Variants in ARMC6 observed in about 807,000 individuals in gnomAD.
The protein encoded by ARMC6 is armadillo repeat-containing protein 6.
Under a neutral mutation model 49.2 loss-of-function variants are expected in ARMC6, and 43 were observed. That is an observed-to-expected ratio of 0.87 (90% confidence interval 0.69 to 1.13). The LOEUF (loss-of-function observed/expected upper bound fraction) is 1.13, where lower values mean the gene tolerates loss of function less well. ARMC6 is among the 50% of genes most tolerant of loss of function. The pLI is 0.00. For synonymous variants in ARMC6, 262 were observed against 289.6 expected (o/e 0.90, Z 0.97); for missense variants, 627 against 682.0 (o/e 0.92, Z 0.90).
chr19:19,033,968 A>T (rs2059302879), intron 1 of ARMC6, 38 bp downstream of exon 1: 11 of 517,876 alleles, frequency 2.1e-5, no homozygotes, highest in Non-Finnish European at 3.5e-5. Flanking sequence ...TCCCGCGCGG[A>T]GTGGGGAGTG....
At position 19,034,129 on chromosome 19, in the gene ARMC6, A is replaced by G. The variant is rs560272635; in HGVS notation, c.-79-2A>G. 4 of 895,032 alleles carry G rather than the reference A, an allele frequency of 4.5e-6. No homozygotes were observed. In the South Asian group the frequency reaches 5.6e-5, roughly 13 times the overall value. 55.4% of individuals were successfully genotyped at this position (895,032 alleles called of 1,614,324 possible). A position where few individuals can be genotyped will look rare whatever the true frequency, so the allele number is the denominator to read the frequency against. On this transcript the variant is annotated splice_acceptor_variant, in intron 1 of 8. Coordinates refer to ENST00000535612, the MANE Select transcript of ARMC6 (RefSeq NM_001199196.2). LOFTEE classifies it low-confidence loss of function (5UTR_SPLICE). ...TTTCATTCATTTTATTTATTCATTC[A>G]GCACCTGTGCACTGAGTGCCTGCTG...
chr19:19,035,529 A>T (rs766935482), intron 2 of ARMC6, among the ~76,000 whole-genome samples: 11 of 151,968 alleles, frequency 7.2e-5, no homozygotes, highest in Admixed American at 1.3e-4. Flanking sequence ...TCCTCCTCCA[A>T]CTCAGCCCTG....
chr19:19,050,221 A>G (rs1286340978), intron 4 of ARMC6, among the ~76,000 whole-genome samples: 1 of 152,056 alleles, frequency 6.6e-6, no homozygotes, highest in Non-Finnish European at 1.5e-5. Context: ...CCCAGGCTGG[A>G]GTGCAATGGC....
In ARMC6 at chr19:19,051,936, G is replaced by T; in HGVS notation, c.594G>T (p.Gly198=). ...NADEADLTCS[G]IRCVRHACLK... is the part of the protein sequence containing the mutation. ...ATGAGGCTGACCTGACCTGCTCTGG[G>T]ATCCGCTGTGTGCGTCACGCTTGCC... The change falls in exon 5 of 9, where the codon GGG becomes GGT. Residue 198 remains glycine, a synonymous_variant. Transcript: ENST00000535612. 3.7e-6 allele frequency: 6 copies of T among 1,614,158 alleles called. No individual in the cohort carries two copies. The highest frequency in any genetic ancestry group is 5.1e-6 in the Non-Finnish European group (6 of 1,180,042).
At chr19:19,054,033 T>C (rs1268674100) in intron 5 of ARMC6, 119 bp from the exon 6 acceptor site, 1 of 1,033,328 alleles carries the variant, frequency 9.7e-7, no homozygotes, top group Non-Finnish European at 1.3e-6. Context: ...CTGGTGCCCG[T>C]GGCCACTCCA....
intron 2 of ARMC6, among the ~76,000 whole-genome samples, chr19:19,038,104 A>G (rs911659452): frequency 5.3e-5 from 8 of 152,116 alleles, no homozygotes; most frequent in South Asian, 2.1e-4. Flanking sequence ...TAGGTTGGGC[A>G]CTCCTTATGA....
chr19:19,044,815 G>A (rs1230364223), intron 4 of ARMC6, among the ~76,000 whole-genome samples: 2 of 152,212 alleles, frequency 1.3e-5, no homozygotes, highest in Non-Finnish European at 2.9e-5. Flanking sequence ...AGCAGGAGGT[G>A]CAGTGATAGG....
At chr19:19,048,777 G>A (rs2059472333) in intron 4 of ARMC6, among the ~76,000 whole-genome samples, 1 of 152,192 alleles carries the variant, frequency 6.6e-6, no homozygotes, top group South Asian at 2.1e-4. Flanking sequence ...TTCCCCACAA[G>A]AGATAGCTTT....
At chr19:19,043,738 G>A (rs1258167062) in intron 3 of ARMC6, among the ~76,000 whole-genome samples, 2 of 152,144 alleles carry the variant, frequency 1.3e-5, no homozygotes, top group Admixed American at 6.5e-5. Flanking sequence ...CGTGGCCTGT[G>A]ATGACAGCCT....
At position 19,054,186 on chromosome 19, in the gene ARMC6, C is replaced by T. The variant is rs746788901; in HGVS notation, c.888C>T (p.Leu296=). ...ATAACCCTGGCATCCTGAGCGAGCT[C>T]TGTGGAACCCTGTCCCGCCTGGCCA... ...FLDNPGILSE[L]CGTLSRLAIR... The change falls in exon 6 of 9, where the codon CTC becomes CTT. Residue 296 remains leucine (L), a synonymous_variant. Transcript: ENST00000535612. 2 of 1,607,142 alleles carry T rather than the reference C, an allele frequency of 1.2e-6. No homozygotes were observed. The highest frequency in any genetic ancestry group is 3.4e-5 in the Admixed American group (2 of 58,888).
chr19:19,045,493 C>CTTTTTTTTTTTTTT (rs11270900), intron 4 of ARMC6, among the ~76,000 whole-genome samples: 2,304 of 88,782 alleles, frequency 0.026, 525 homozygotes, highest in Non-Finnish European at 0.038. Flanking sequence ...ATGCTAAATT[C>CTTTTTTTTTTTTTT]TTTTTTTTTT....
At chr19:19,052,604 G>A (rs1421334863) in intron 5 of ARMC6, among the ~76,000 whole-genome samples, 2 of 152,168 alleles carry the variant, frequency 1.3e-5, no homozygotes, top group African/African-American at 4.8e-5. Context: ...AAATCCTTAG[G>A]CATATTCATG....
chr19:19,048,975 A>G (rs2059474490), intron 4 of ARMC6, among the ~76,000 whole-genome samples: 1 of 152,028 alleles, frequency 6.6e-6, no homozygotes, highest in Admixed American at 6.6e-5. Context: ...GCCACTTCCC[A>G]TCATGACCTG....
intron 2 of ARMC6, chr19:19,040,566 A>G (rs2059404221): frequency 4.2e-6 from 1 of 236,500 alleles, no homozygotes; most frequent in Non-Finnish European, 8.8e-6. Context: ...AGAGCATGCC[A>G]CCACTCCCTG....
At chr19:19,054,703 C>G (rs4808911) in intron 6 of ARMC6, among the ~76,000 whole-genome samples, 125,912 of 152,082 alleles carry the variant, frequency 0.83, 52,210 homozygotes, top group East Asian at 0.88. Context: ...AGCAGGGAGC[C>G]AATCAACAGG....
At position 19,057,657 on chromosome 19, in the gene ARMC6, G is replaced by T. The variant is rs766627910; in HGVS notation, c.*29G>T. ...CAGGCCCAGTCTGGGCCGTGACTCT[G>T]GGTGAGTCGTGTGACTCAGGAATGG... is the stretch of plus-strand genomic sequence containing the variant. On this transcript the variant is annotated 3_prime_UTR_variant, in exon 9 of 9. Transcript: ENST00000535612. 1.7e-5 allele frequency: 28 copies of T among 1,603,414 alleles called. No homozygotes were observed. Among genetic ancestry groups the T allele is most frequent in the South Asian group, 4.4e-5 (4 of 90,964 alleles).
intron 4 of ARMC6, among the ~76,000 whole-genome samples, chr19:19,045,167 C>T (rs2059439144): frequency 6.6e-6 from 1 of 152,010 alleles, no homozygotes; most frequent in African/African-American, 2.4e-5. Flanking sequence ...CACGCCACCA[C>T]ACCTGACTAA....
At chr19:19,037,351 A>G (rs2059378868) in intron 2 of ARMC6, among the ~76,000 whole-genome samples, 1 of 149,756 alleles carries the variant, frequency 6.7e-6, no homozygotes, top group African/African-American at 2.4e-5. Context: ...AAAGAGAAGC[A>G]TGGGCCAGAG....
chr19:19,049,954 G>T lies in ARMC6; in HGVS notation c.280-1668G>T, dbSNP rs544660277. 9.9e-5 allele frequency among the ~76,000 whole-genome samples: 15 copies of T among 152,272 alleles called. No homozygotes were observed. In the South Asian group the frequency reaches 2.7e-3, roughly 27 times the overall value. ...CGGGAGGATTGTTTGAACCCAGGAGGTGGAGGTTGCAGTGAGCTGAGATGG... is the reference window on the plus strand; with the variant it reads ...CGGGAGGATTGTTTGAACCCAGGAGTTGGAGGTTGCAGTGAGCTGAGATGG... On this transcript the variant is annotated intron_variant, in intron 4 of 8. Transcript: ENST00000535612.
Sources: allele counts gnomAD v4.1 joint callset (sites outside exome capture counted in the v4.1 genomes callset), GRCh38; gene constraint gnomAD v4.1.1; transcripts MANE v1.5; gene names NCBI Gene and HGNC (gene_info 2026-07-23, HGNC 2026-07-21).